TNR: variants seen among roughly 807,000 people sequenced by gnomAD.
TNR encodes tenascin-R.
In TNR, 45 loss-of-function variants were observed where a neutral mutation model predicts 150.4. That is an observed-to-expected ratio of 0.30 (90% CI 0.24 to 0.38). The LOEUF is 0.38. Among genes scored for constraint, TNR ranks in the 10% least tolerant of loss-of-function variants. TNR has a pLI of 1.00. For synonymous variants in TNR, 687 were observed against 678.4 expected, an observed-to-expected ratio of 1.01 and a Z score of -0.20; for missense variants, 1,544 against 1,759.1, an observed-to-expected ratio of 0.88 and a Z score of 2.19.
chr1:175,379,762 C>T lies in TNR; in HGVS notation c.1778-25G>A, dbSNP rs1416431862. 3.7e-6 allele frequency: 6 copies of T among 1,611,838 alleles called. No individual in the cohort carries two copies. The Admixed American group carries it at 5.0e-5, about 13-fold the overall frequency. On this transcript the variant is annotated intron_variant, in intron 8 of 22. Coordinates refer to ENST00000367674, the MANE Select transcript of TNR (RefSeq NM_003285.3). ...TCTAAAAATAGACAGACATCACCAACATCGCACATGATAATGTAATGTACA... is the reference window on the plus strand; with the variant it reads ...TCTAAAAATAGACAGACATCACCAATATCGCACATGATAATGTAATGTACA...
chr1:175,443,421 A>T (rs1571446997), intron 2 of TNR, among the ~76,000 whole-genome samples: 1 of 152,124 alleles, frequency 6.6e-6, no homozygotes, highest in African/African-American at 2.4e-5. Context: ...CATGATACTT[A>T]GGTTATACCC....
At chr1:175,739,645 C>T (rs1366769316) in intron 1 of TNR, among the ~76,000 whole-genome samples, 1 of 152,172 alleles carries the variant, frequency 6.6e-6, no homozygotes, top group Admixed American at 6.5e-5. Flanking sequence ...TGAATGGAGA[C>T]ATCCCTGCAT....
intron 1 of TNR, among the ~76,000 whole-genome samples, chr1:175,692,742 A>T (rs1391682655): frequency 6.6e-6 from 1 of 152,168 alleles, no homozygotes; most frequent in East Asian, 1.9e-4. Flanking sequence ...AAGAAGAGTC[A>T]TGAACTTCAC....
intron 18 of TNR, among the ~76,000 whole-genome samples, chr1:175,341,630 T>C (rs1650527937): frequency 6.6e-6 from 1 of 152,178 alleles, no homozygotes; most frequent in African/African-American, 2.4e-5. Context: ...TCTTTACTTG[T>C]TTTGGATTCT....
intron 1 of TNR, among the ~76,000 whole-genome samples, chr1:175,665,003 G>A (rs559417334): frequency 6.6e-6 from 1 of 152,230 alleles, no homozygotes; most frequent in Non-Finnish European, 1.5e-5. Context: ...TCTGAAGAGG[G>A]TGAATCTAAC....
At chr1:175,682,454 A>C (rs1250109465) in intron 1 of TNR, among the ~76,000 whole-genome samples, 1 of 152,072 alleles carries the variant, frequency 6.6e-6, no homozygotes, top group African/African-American at 2.4e-5. Context: ...TCCATATCTA[A>C]ATCTACCACA....
chr1:175,376,122 G>A (rs1571356139), intron 9 of TNR, among the ~76,000 whole-genome samples: 1 of 152,164 alleles, frequency 6.6e-6, no homozygotes, highest in East Asian at 1.9e-4. Context: ...CTCGGGGGAA[G>A]AGGCCTCCAA....
At chr1:175,383,158 C>T (rs557237655) in intron 8 of TNR, among the ~76,000 whole-genome samples, 24 of 152,288 alleles carry the variant, frequency 1.6e-4, no homozygotes, top group African/African-American at 5.8e-4. Flanking sequence ...TCTATAAGGA[C>T]ACAGTCATAT....
chr1:175,566,669 G>C (rs1321969583), intron 1 of TNR, among the ~76,000 whole-genome samples: 3 of 152,194 alleles, frequency 2.0e-5, no homozygotes, highest in Non-Finnish European at 4.4e-5. Flanking sequence ...CGGAGTGTTT[G>C]AGTGACACGA....
intron 2 of TNR, among the ~76,000 whole-genome samples, chr1:175,470,852 G>A (rs1302420118): frequency 6.6e-6 from 1 of 152,148 alleles, no homozygotes; most frequent in Non-Finnish European, 1.5e-5. Context: ...GCCATGTTCT[G>A]CACCACTATT....
intron 1 of TNR, among the ~76,000 whole-genome samples, chr1:175,656,952 C>T (rs1665196780): frequency 6.6e-6 from 1 of 152,052 alleles, no homozygotes; most frequent in Non-Finnish European, 1.5e-5. Flanking sequence ...ATGCTATGCA[C>T]ATTGAGTGCA....
chr1:175,341,574 A>C (rs1018832420), intron 18 of TNR, among the ~76,000 whole-genome samples: 1 of 152,212 alleles, frequency 6.6e-6, no homozygotes, highest in East Asian at 1.9e-4. Context: ...CAGTGCAGTC[A>C]GGGGACCACC....
chr1:175,467,714 G>A (rs901640727), intron 2 of TNR, among the ~76,000 whole-genome samples: 2 of 152,170 alleles, frequency 1.3e-5, no homozygotes, highest in Non-Finnish European at 2.9e-5. Context: ...AGGGCATGAG[G>A]TCAGGGAAGA....
intron 17 of TNR, 55 bp from the exon 18 acceptor site, chr1:175,354,578 G>T: frequency 1.2e-6 from 2 of 1,610,394 alleles, no homozygotes; most frequent in South Asian, 1.1e-5. Flanking sequence ...CTTGCAATTT[G>T]GGAAAGTAGG....
chr1:175,590,433 GCCTC>G (rs1662753637), intron 1 of TNR, among the ~76,000 whole-genome samples: 1 of 152,136 alleles, frequency 6.6e-6, no homozygotes, highest in Non-Finnish European at 1.5e-5. Flanking sequence ...CCCACCAAGT[GCCTC>G]ACTCACCTAA....
At chr1:175,623,618 T>C (rs1003158474) in intron 1 of TNR, among the ~76,000 whole-genome samples, 9 of 152,362 alleles carry the variant, frequency 5.9e-5, no homozygotes, top group African/African-American at 2.2e-4. Context: ...TTGTATATAC[T>C]GTTTCCTTTC....
At chr1:175,372,664 G>T (rs548998923) in intron 9 of TNR, among the ~76,000 whole-genome samples, 5 of 152,228 alleles carry the variant, frequency 3.3e-5, no homozygotes, top group Non-Finnish European at 7.3e-5. Flanking sequence ...CGCTAGCAGG[G>T]AAAGTGGTAG....
At chr1:175,465,039 T>A (rs1485194095) in intron 2 of TNR, among the ~76,000 whole-genome samples, 1 of 151,718 alleles carries the variant, frequency 6.6e-6, no homozygotes, top group Non-Finnish European at 1.5e-5. Flanking sequence ...GTTGTTGGGG[T>A]TTCAATTCAA....
intron 1 of TNR, among the ~76,000 whole-genome samples, chr1:175,551,563 G>A (rs908847164): frequency 6.6e-6 from 1 of 152,150 alleles, no homozygotes; most frequent in African/African-American, 2.4e-5. Context: ...TCAACAGGTC[G>A]GGAACATCTC....
Sources: gnomAD v4.1 joint callset for allele counts (sites outside exome capture counted in the v4.1 genomes callset) on GRCh38, gnomAD v4.1.1 for gene constraint, MANE v1.5 for transcripts, NCBI Gene and HGNC (gene_info 2026-07-23, HGNC 2026-07-21) for gene names.